Variants in PFDN1 observed in about 807,000 individuals in gnomAD.
PFDN1 encodes the protein prefoldin subunit 1, also known as prefoldin 1.
In PFDN1, 6 loss-of-function variants were observed where a neutral mutation model predicts 17.3. The ratio of observed to expected loss-of-function variants is 0.35; its 90% CI spans 0.19 to 0.69. The LOEUF (loss-of-function observed/expected upper bound fraction) is 0.69, where lower values mean the gene tolerates loss of function less well. PFDN1 is among the 30% of genes least tolerant of loss of function. PFDN1 has a pLI of 0.65. For missense variants in PFDN1, 113 were observed against 146.2 expected, an observed-to-expected ratio of 0.77 and a Z score of 1.17; for synonymous variants, 58 against 50.1, an observed-to-expected ratio of 1.16 and a Z score of -0.67.
intron 2 of PFDN1, among the ~76,000 whole-genome samples, chr5:140,295,798 T>C (rs568306669): frequency 6.6e-6 from 1 of 152,092 alleles, no homozygotes; most frequent in East Asian, 1.9e-4. Flanking sequence ...TCCATACTTA[T>C]GAAATGAAAG....
chr5:140,280,388 A>G (rs1462814205), intron 3 of PFDN1, among the ~76,000 whole-genome samples: 1 of 152,250 alleles, frequency 6.6e-6, no homozygotes, highest in East Asian at 1.9e-4. Flanking sequence ...TTAAAATAGG[A>G]CACAACAACA....
chr5:140,259,412 G>T (rs1002667015), intron 3 of PFDN1, among the ~76,000 whole-genome samples: 1 of 152,306 alleles, frequency 6.6e-6, no homozygotes, highest in African/African-American at 2.4e-5. Context: ...CCAAGGAAAC[G>T]ATTACAGTTT....
chr5:140,250,748 A>G (rs1764901306), intron 3 of PFDN1, among the ~76,000 whole-genome samples: 1 of 152,194 alleles, frequency 6.6e-6, no homozygotes, highest in Non-Finnish European at 1.5e-5. Context: ...GGAACGCCCA[A>G]CAGAAGAAGC....
At chr5:140,256,656 G>GAAAAAAAAAAAAAAAAA (rs1764989657) in intron 3 of PFDN1, among the ~76,000 whole-genome samples, 1 of 6,560 alleles carries the variant, frequency 1.5e-4, no homozygotes, top group Non-Finnish European at 3.4e-4. Context: ...AACAAAAAAT[G>GAAAAAAAAAAAAAAAAA]ACAAAAAAAA....
intron 2 of PFDN1, among the ~76,000 whole-genome samples, chr5:140,288,575 A>T (rs1031093086): frequency 2.0e-5 from 3 of 152,256 alleles, no homozygotes; most frequent in African/African-American, 7.2e-5. Context: ...CAAATGTACC[A>T]CACTAATGCC....
At chr5:140,277,765 T>A (rs1765318203) in intron 3 of PFDN1, among the ~76,000 whole-genome samples, 1 of 151,032 alleles carries the variant, frequency 6.6e-6, no homozygotes, top group African/African-American at 2.4e-5. Context: ...AATCGACACC[T>A]AAACACATCC....
At chr5:140,282,884 T>C (rs1561511544) in intron 2 of PFDN1, among the ~76,000 whole-genome samples, 1 of 152,216 alleles carries the variant, frequency 6.6e-6, no homozygotes, top group Non-Finnish European at 1.5e-5. Context: ...TTAAGCAAGA[T>C]TTTTCTTCTC....
chr5:140,291,345 A>C (rs560724391), intron 2 of PFDN1, among the ~76,000 whole-genome samples: 1 of 152,320 alleles, frequency 6.6e-6, no homozygotes, highest in South Asian at 2.1e-4. Flanking sequence ...GTATTTGCTA[A>C]TGAGCTGAAT....
Position 140,254,699 on chromosome 5 carries a change from T to C in PFDN1, c.286-8642A>G, listed in dbSNP as rs528967865. ...GTCAACACTAGAAGCTGCACACCTC[T>C]GAAGTGTCCATTTCACCACCACTAC... On this transcript the variant is annotated intron_variant, in intron 3 of 3. Coordinates refer to ENST00000261813, the MANE Select transcript of PFDN1 (RefSeq NM_002622.5). This position sits in a 1 kb window ranked among gnomAD's most constrained non-coding sequence, Gnocchi z 4.4. Among the ~76,000 whole-genome samples, 1 of 152,328 alleles carries C rather than the reference T, an allele frequency of 6.6e-6. No individual in the cohort carries two copies. The highest frequency in any genetic ancestry group is 1.5e-5 in the Non-Finnish European group (1 of 68,026).
chr5:140,295,891 G>A (rs1166165626), intron 2 of PFDN1, among the ~76,000 whole-genome samples: 1 of 151,932 alleles, frequency 6.6e-6, no homozygotes, highest in African/African-American at 2.4e-5. Context: ...GTGAAGATGA[G>A]GAAGGTAAAA....
chr5:140,278,554 T>A (rs1765335802), intron 3 of PFDN1, among the ~76,000 whole-genome samples: 1 of 70,310 alleles, frequency 1.4e-5, no homozygotes, highest in African/African-American at 6.9e-5. Context: ...TGAGACTCTG[T>A]CTCAAAAAAA....
At chr5:140,295,992 G>A (rs1398171024) in intron 2 of PFDN1, among the ~76,000 whole-genome samples, 6 of 152,000 alleles carry the variant, frequency 3.9e-5, no homozygotes, top group Non-Finnish European at 5.9e-5. Context: ...TAAGGTTTGG[G>A]TTTTCTATAT....
chr5:140,265,645 A>G (rs1462533180), intron 3 of PFDN1: 1 of 152,186 alleles, frequency 6.6e-6, no homozygotes, highest in Non-Finnish European at 1.5e-5. Flanking sequence ...AAACTTGAAA[A>G]CTGACTAGGA....
chr5:140,270,437 A>G lies in PFDN1; in HGVS notation c.285+11012T>C, dbSNP rs551129972. ...CCAATGTATCCAAGAAGAAAATAAT[A>G]ACTGAAACAAGATGCAAAAAGCTGA... On this transcript the variant is annotated intron_variant, in intron 3 of 3. Transcript: ENST00000261813. 7.0e-4 allele frequency among the ~76,000 whole-genome samples: 106 copies of G among 152,326 alleles called. 1 individual carries two copies. Among genetic ancestry groups the G allele is most frequent in the Non-Finnish European group, 1.3e-3 (87 of 68,030 alleles).
chr5:140,259,196 T>A (rs1765029679), intron 3 of PFDN1, among the ~76,000 whole-genome samples: 1 of 152,210 alleles, frequency 6.6e-6, no homozygotes, highest in Non-Finnish European at 1.5e-5. Context: ...TCAAGTGGCC[T>A]GTAGGATATC....
intron 3 of PFDN1, among the ~76,000 whole-genome samples, chr5:140,256,768 G>A (rs890532783): frequency 2.4e-4 from 35 of 148,432 alleles, no homozygotes; most frequent in South Asian, 4.3e-4. Flanking sequence ...CCAATCCATC[G>A]GCAAATCTTA....
At chr5:140,251,084 T>C (rs1415639709) in intron 3 of PFDN1, among the ~76,000 whole-genome samples, 1 of 151,842 alleles carries the variant, frequency 6.6e-6, no homozygotes, top group Non-Finnish European at 1.5e-5. Context: ...TACAGGTGAG[T>C]ACCACCACAC....
chr5:140,278,948 T>C (rs1027754528), intron 3 of PFDN1, among the ~76,000 whole-genome samples: 23 of 152,106 alleles, frequency 1.5e-4, no homozygotes, highest in Non-Finnish European at 2.8e-4. Flanking sequence ...AAAGCACAGA[T>C]TAGGGAAGTA....
At position 140,245,613 on chromosome 5, in the gene PFDN1, T is replaced by G. The variant is rs1037363807; in HGVS notation, c.*361A>C. ...CTCACCCTCTGTTCCATCCCTCTGC[T>G]CAAGAAAACCAGGCTTAGCAGAGTG... On this transcript the variant is annotated 3_prime_UTR_variant, in exon 4 of 4. Transcript: ENST00000261813. 1 of 700,956 alleles carries G rather than the reference T, an allele frequency of 1.4e-6. No individual in the cohort carries two copies. The highest frequency in any genetic ancestry group is 2.6e-6 in the Non-Finnish European group (1 of 384,656). The allele number at this position is 700,956 out of a possible 1,614,324, so 43.4% of individuals were successfully genotyped here.
Sources: allele counts gnomAD v4.1 joint callset (sites outside exome capture counted in the v4.1 genomes callset), GRCh38; gene constraint gnomAD v4.1.1; non-coding constraint Gnocchi (gnomAD v3.1); transcripts MANE v1.5; gene names NCBI Gene and HGNC (gene_info 2026-07-23, HGNC 2026-07-21).